ADAMTSL1: variants seen among roughly 807,000 people sequenced by gnomAD.
ADAMTSL1 encodes ADAMTS-like protein 1.
In ADAMTSL1, 126 loss-of-function variants were observed where a neutral mutation model predicts 201.8. The ratio of observed to expected loss-of-function variants is 0.62; its 90% confidence interval spans 0.54 to 0.72. The LOEUF (loss-of-function observed/expected upper bound fraction) is 0.72. Among genes scored for constraint, ADAMTSL1 ranks in the 30% least tolerant of loss-of-function variants. The pLI, the probability that ADAMTSL1 is intolerant of heterozygous loss-of-function variation, is 0.00. For synonymous variants in ADAMTSL1, 1,121 were observed against 903.4 expected, an observed-to-expected ratio of 1.24 and a Z score of -4.32; for missense variants, 2,679 against 2,277.8, an observed-to-expected ratio of 1.18 and a Z score of -3.59.
chr9:18,580,288 C>T (rs1738345232), intron 4 of ADAMTSL1, among the ~76,000 whole-genome samples: 2 of 152,056 alleles, frequency 1.3e-5, no homozygotes, highest in South Asian at 4.1e-4. Flanking sequence ...ATATTTCTAA[C>T]AAAGAAATTC....
At chr9:18,204,130 C>A (rs1382166228) in intron 2 of ADAMTSL1, among the ~76,000 whole-genome samples, 1 of 152,100 alleles carries the variant, frequency 6.6e-6, no homozygotes, top group Non-Finnish European at 1.5e-5. Context: ...GGACATTTTT[C>A]ATTTATTACT....
At position 18,029,573 on chromosome 9, in the gene ADAMTSL1, T is replaced by C. The variant is rs892684358; in HGVS notation, c.87+122651T>C. 5.1e-3 allele frequency among the ~76,000 whole-genome samples: 781 copies of C among 152,234 alleles called. 8 individuals are homozygous for C. The highest frequency in any genetic ancestry group is 0.018 in the African/African-American group (739 of 41,532). The stretch of plus-strand genomic sequence containing the variant: ...GGATCTCATTAAACTAAAGAGCTTC[T>C]GCACAGCAAAAGAAACTACCATCAG... On this transcript the variant is annotated intron_variant, in intron 1 of 29. Coordinates refer to the ADAMTSL1 transcript ENST00000680146.
intron 1 of ADAMTSL1, among the ~76,000 whole-genome samples, chr9:17,997,537 T>C (rs186454615): frequency 3.7e-4 from 57 of 152,254 alleles, no homozygotes; most frequent in Admixed American, 3.3e-3. Flanking sequence ...TCTAAGTTCG[T>C]GGCTCTGCTT....
At chr9:18,668,348 T>G (rs1418334974) in intron 9 of ADAMTSL1, among the ~76,000 whole-genome samples, 1 of 152,200 alleles carries the variant, frequency 6.6e-6, no homozygotes, top group African/African-American at 2.4e-5. Context: ...TGCTTATAGA[T>G]ACACCACACA....
chr9:18,358,095 T>G lies in ADAMTSL1; in HGVS notation c.208-146734T>G, dbSNP rs573928126. Among the ~76,000 whole-genome samples, 100 of 152,320 alleles carry G rather than the reference T, an allele frequency of 6.6e-4. 1 individual carries two copies. Among genetic ancestry groups the G allele is most frequent in the African/African-American group, 2.4e-3 (99 of 41,574 alleles). On this transcript the variant is annotated intron_variant, in intron 2 of 29. Transcript: ENST00000680146. ...TGTTCCGGTGACTTAGACATGTTACTTTGGTCAAGTCAGTTAATCAGTTTT... is the reference window on the plus strand; with the variant it reads ...TGTTCCGGTGACTTAGACATGTTACGTTGGTCAAGTCAGTTAATCAGTTTT...
At chr9:18,647,597 C>T (rs1160531678) in intron 7 of ADAMTSL1, among the ~76,000 whole-genome samples, 2 of 151,874 alleles carry the variant, frequency 1.3e-5, no homozygotes, top group Admixed American at 6.6e-5. Context: ...TCTTTGTTCT[C>T]GTTGGTTTCA....
In ADAMTSL1 at chr9:18,657,706, G is replaced by C. The variant is rs1828785714; in HGVS notation, c.902G>C (p.Trp301Ser). Residue 301 changes from tryptophan to serine, a missense_variant, in exon 8 of 29, where the codon TGG (tryptophan) becomes TCG (serine). By Grantham distance (177) the Trp-to-Ser change is radical (BLOSUM62 -3). Coordinates refer to ENST00000380548, the MANE Select transcript of ADAMTSL1 (RefSeq NM_001040272.6). The part of the protein sequence containing the change: ...FIFYQPIIHR[W>S]RETDFFPCSA... ...TTCTATCAACCCATCATCCACCGAT[G>C]GAGGGAGACGGATTTCTTTCCTTGC... 6.2e-7 allele frequency: 1 copy of C among 1,614,100 alleles called. No individual in the cohort carries two copies. The highest frequency in any genetic ancestry group is 1.3e-5 in the African/African-American group (1 of 74,946).
At chr9:18,195,519 G>A (rs187313397) in intron 2 of ADAMTSL1, among the ~76,000 whole-genome samples, 109 of 152,228 alleles carry the variant, frequency 7.2e-4, no homozygotes, top group African/African-American at 2.5e-3. Context: ...CTGACTCCAC[G>A]TCTCATGCTG....
intron 1 of ADAMTSL1, among the ~76,000 whole-genome samples, chr9:18,488,296 A>T (rs544761943): frequency 2.6e-4 from 39 of 152,138 alleles, no homozygotes; most frequent in South Asian, 1.2e-3. Flanking sequence ...TTCTTAATCT[A>T]GGGGCGCCTG....
intron 20 of ADAMTSL1, among the ~76,000 whole-genome samples, chr9:18,801,114 T>C (rs569082538): frequency 6.6e-6 from 1 of 152,282 alleles, no homozygotes; most frequent in Non-Finnish European, 1.5e-5. Flanking sequence ...GGCCCTGTAA[T>C]ATTTATGCTG....
At chr9:18,125,835 C>T (rs1351042214) in intron 1 of ADAMTSL1, among the ~76,000 whole-genome samples, 1 of 152,190 alleles carries the variant, frequency 6.6e-6, no homozygotes, top group African/African-American at 2.4e-5. Context: ...TAAATTTCTT[C>T]AAAGTCTTCC....
At chr9:18,718,612 C>A in intron 14 of ADAMTSL1, 1 of 382,094 alleles carries the variant, frequency 2.6e-6, no homozygotes, top group East Asian at 6.8e-5. Flanking sequence ...TTGCTACTCT[C>A]GGCACCACAG....
intron 2 of ADAMTSL1, among the ~76,000 whole-genome samples, chr9:18,269,219 A>G (rs1413200891): frequency 2.6e-5 from 4 of 152,174 alleles, no homozygotes; most frequent in Non-Finnish European, 5.9e-5. Flanking sequence ...ATAGTTATTT[A>G]TATACATATC....
At chr9:18,629,034 A>G (rs1826572312) in intron 5 of ADAMTSL1, among the ~76,000 whole-genome samples, 1 of 152,102 alleles carries the variant, frequency 6.6e-6, no homozygotes. Flanking sequence ...TTGGCATTGT[A>G]TTCTTTATTT....
intron 3 of ADAMTSL1, among the ~76,000 whole-genome samples, chr9:18,567,339 A>G (rs536660055): frequency 6.6e-6 from 1 of 151,980 alleles, no homozygotes; most frequent in African/African-American, 2.4e-5. Flanking sequence ...GGTGGCACAC[A>G]CCTGTAATCC....
intron 1 of ADAMTSL1, among the ~76,000 whole-genome samples, chr9:17,914,333 G>A (rs10963337): frequency 0.013 from 1,955 of 152,192 alleles, 21 homozygotes; most frequent in Middle Eastern, 0.038. Context: ...ATGATCAAGT[G>A]GGTTTCATCC....
chr9:18,499,981 A>G (rs964237115), intron 1 of ADAMTSL1, among the ~76,000 whole-genome samples: 1 of 152,220 alleles, frequency 6.6e-6, no homozygotes, highest in African/African-American at 2.4e-5. Flanking sequence ...CTGAGCAAAT[A>G]TAACTCTAGT....
intron 1 of ADAMTSL1, among the ~76,000 whole-genome samples, chr9:18,040,003 A>T (rs1310368870): frequency 1.3e-5 from 2 of 152,172 alleles, no homozygotes; most frequent in Non-Finnish European, 2.9e-5. Flanking sequence ...TGACCATATT[A>T]TTGTGTCTCC....
At chr9:18,223,510 A>G (rs1045550758) in intron 2 of ADAMTSL1, among the ~76,000 whole-genome samples, 2 of 151,938 alleles carry the variant, frequency 1.3e-5, no homozygotes, top group African/African-American at 4.8e-5. Flanking sequence ...ACTTCAGTTC[A>G]TTAGCCCTGT....
Sources: allele counts gnomAD v4.1 joint callset (sites outside exome capture counted in the v4.1 genomes callset), GRCh38; gene constraint gnomAD v4.1.1; transcripts MANE v1.5; gene names NCBI Gene and HGNC (gene_info 2026-07-23, HGNC 2026-07-21).